ADGRL3: variants seen among roughly 807,000 people sequenced by gnomAD.
ADGRL3 encodes the protein adhesion G protein-coupled receptor L3, also known as calcium-independent alpha-latrotoxin receptor 3.
Under a neutral mutation model 153.5 loss-of-function variants are expected in ADGRL3, and 62 were observed. The observed-to-expected ratio is 0.40, with a 90% CI of 0.33 to 0.50. The LOEUF (loss-of-function observed/expected upper bound fraction) is 0.50, where lower values mean the gene tolerates loss of function less well. ADGRL3 is among the 20% of genes least tolerant of loss of function. The probability of loss-of-function intolerance (pLI) is 0.47; values close to 1 mark genes in which losing one functional copy is unlikely to be tolerated. For missense variants in ADGRL3, 1,641 were observed against 1,859.4 expected (o/e 0.88, Z 2.16); for synonymous variants, 710 against 672.5 (o/e 1.06, Z -0.86).
At chr4:61,267,435 C>T (rs2092917562) in intron 1 of ADGRL3, among the ~76,000 whole-genome samples, 1 of 151,688 alleles carries the variant, frequency 6.6e-6, no homozygotes, top group South Asian at 2.1e-4. Flanking sequence ...CTATTTTCCA[C>T]TACCATGCTA....
intron 2 of ADGRL3, among the ~76,000 whole-genome samples, chr4:61,467,383 T>G (rs946715840): frequency 6.6e-6 from 1 of 152,044 alleles, no homozygotes; most frequent in Non-Finnish European, 1.5e-5. Context: ...AAAGTTTCAA[T>G]GCTTAATATA....
intron 1 of ADGRL3, among the ~76,000 whole-genome samples, chr4:61,319,622 CTG>C (rs1269799946): frequency 1.3e-5 from 2 of 152,118 alleles, no homozygotes; most frequent in Non-Finnish European, 2.9e-5. Context: ...GACTAATAAA[CTG>C]AGAATTAATG....
intron 1 of ADGRL3, among the ~76,000 whole-genome samples, chr4:61,263,644 A>G (rs1272997792): frequency 6.6e-6 from 1 of 152,038 alleles, no homozygotes; most frequent in Non-Finnish European, 1.5e-5. Context: ...TAGTCGTTTA[A>G]TGAGACATTC....
chr4:61,910,921 G>A (rs2098719079), intron 12 of ADGRL3, among the ~76,000 whole-genome samples: 1 of 150,062 alleles, frequency 6.7e-6, no homozygotes, highest in Non-Finnish European at 1.5e-5. Context: ...AATTTCATCT[G>A]TAAAAAACAG....
At chr4:61,509,056 G>A (rs762206372) in intron 3 of ADGRL3, among the ~76,000 whole-genome samples, 11 of 151,834 alleles carry the variant, frequency 7.2e-5, no homozygotes, top group Non-Finnish European at 1.5e-4. Context: ...CCCACAACCC[G>A]TGGGAATTAT....
At chr4:61,703,616 A>G (rs1286728955) in intron 6 of ADGRL3, among the ~76,000 whole-genome samples, 2 of 152,100 alleles carry the variant, frequency 1.3e-5, no homozygotes, top group East Asian at 1.9e-4. Context: ...TTTAGAAAAA[A>G]AAAAGATTCA....
intron 6 of ADGRL3, among the ~76,000 whole-genome samples, chr4:61,699,122 T>C (rs1169897028): frequency 2.0e-5 from 3 of 152,290 alleles, no homozygotes; most frequent in African/African-American, 7.2e-5. Flanking sequence ...ATCCCCAAGA[T>C]GTAACCAGGC....
In ADGRL3 at chr4:62,047,857, C is replaced by T. The variant is rs115584340; in HGVS notation, c.3814+3308C>T. Reference sequence around the variant, plus strand: ...CCTTGAGGCCAATAGGCCAGCACTACTATCAAGTTAACTTTAGCGATCCAA... The same window carrying T: ...CCTTGAGGCCAATAGGCCAGCACTATTATCAAGTTAACTTTAGCGATCCAA... On this transcript the variant is annotated intron_variant, in intron 25 of 26. Coordinates refer to ENST00000683033, the MANE Select transcript of ADGRL3 (RefSeq NM_001387552.1). Among the ~76,000 whole-genome samples, 281 of 152,220 alleles carry T rather than the reference C, an allele frequency of 1.8e-3. 2 individuals are homozygous for T. Among genetic ancestry groups the T allele is most frequent in the African/African-American group, 6.5e-3 (272 of 41,554 alleles).
rs561642454 is a variant in ADGRL3, at chr4:61,934,924, G to A, written c.2197G>A (p.Ala733Thr). 2.2e-5 allele frequency: 36 copies of A among 1,613,812 alleles called. No homozygotes were observed. The East Asian group carries it at 7.1e-4, about 32-fold the overall frequency. Residue 733 changes from alanine to threonine, a missense_variant, in exon 14 of 27, where the codon GCG becomes ACG. Transcript: ENST00000683033. ...CCTGACTACGAGTGATCAGCTGCGT[G>A]CGGCCACCATGTTGCTTCATACTGT... ...RDLTTSDQLR[A>T]ATMLLHTVEE...
At chr4:61,320,887 G>GT (rs1463526816) in intron 1 of ADGRL3, among the ~76,000 whole-genome samples, 4 of 152,094 alleles carry the variant, frequency 2.6e-5, no homozygotes, top group African/African-American at 9.7e-5. Flanking sequence ...TCAGGGCAGA[G>GT]TTTTTTTCTG....
chr4:61,343,253 A>G (rs916233812), intron 1 of ADGRL3, among the ~76,000 whole-genome samples: 1 of 152,198 alleles, frequency 6.6e-6, no homozygotes. Context: ...TCAAAACCAC[A>G]AAAATCAGCG....
chr4:61,327,014 T>A (rs535738220), intron 1 of ADGRL3, among the ~76,000 whole-genome samples: 3 of 151,992 alleles, frequency 2.0e-5, no homozygotes, highest in Non-Finnish European at 2.9e-5. Context: ...GCTTGTATAG[T>A]GTTATACAAA....
chr4:61,504,168 A>AT (rs1478309949), intron 3 of ADGRL3, among the ~76,000 whole-genome samples: 1 of 151,766 alleles, frequency 6.6e-6, no homozygotes, highest in African/African-American at 2.4e-5. Flanking sequence ...AATTTTTAAA[A>AT]TTTTTTCATA....
chr4:61,637,170 C>T, intron 5 of ADGRL3, among the ~76,000 whole-genome samples: 1 of 151,996 alleles, frequency 6.6e-6, no homozygotes, highest in South Asian at 2.1e-4. Context: ...AACAGGGTCA[C>T]CAAAGATGTA....
intron 4 of ADGRL3, among the ~76,000 whole-genome samples, chr4:61,519,753 G>A (rs2098518710): frequency 1.3e-5 from 2 of 152,088 alleles, no homozygotes; most frequent in African/African-American, 2.4e-5. Flanking sequence ...ACAAGAAAAT[G>A]TCAGTGAATT....
At chr4:61,598,778 GCTTA>G (rs2098999482) in intron 5 of ADGRL3, among the ~76,000 whole-genome samples, 1 of 151,956 alleles carries the variant, frequency 6.6e-6, no homozygotes. Flanking sequence ...ATTTCAAAAA[GCTTA>G]CTTTTTTCAT....
At chr4:61,722,682 A>G (rs1383220654) in intron 6 of ADGRL3, among the ~76,000 whole-genome samples, 4 of 152,218 alleles carry the variant, frequency 2.6e-5, no homozygotes, top group African/African-American at 9.6e-5. Flanking sequence ...TATATCCTAT[A>G]TATGTCAACT....
At chr4:62,032,039 T>C (rs1013768852) in intron 23 of ADGRL3, among the ~76,000 whole-genome samples, 3 of 151,486 alleles carry the variant, frequency 2.0e-5, no homozygotes, top group Admixed American at 6.6e-5. Context: ...TATATGTGTA[T>C]ATATTTCTGT....
At chr4:61,575,982 G>A (rs908851001) in intron 4 of ADGRL3, among the ~76,000 whole-genome samples, 2 of 151,990 alleles carry the variant, frequency 1.3e-5, no homozygotes, top group Admixed American at 6.6e-5. Context: ...AGTGCTTTAC[G>A]TGCCCTGTGT....
Sources: allele counts gnomAD v4.1 joint callset (sites outside exome capture counted in the v4.1 genomes callset), GRCh38; gene constraint gnomAD v4.1.1; transcripts MANE v1.5; gene names NCBI Gene and HGNC (gene_info 2026-07-23, HGNC 2026-07-21).